The following GALC variants were observed in gnomAD, a reference collection of about 807,000 sequenced individuals.
GALC encodes galactosylceramidase.
A neutral mutation model predicts 91.8 loss-of-function variants in GALC; 77 were observed. The ratio of observed to expected loss-of-function variants is 0.84; its 90% confidence interval spans 0.70 to 1.01. The LOEUF is 1.01. Ranked by LOEUF, GALC falls within the 50% of genes least tolerant of loss-of-function variation. GALC has a pLI of 0.00. For synonymous variants in GALC, 357 were observed against 306.7 expected (o/e 1.16, Z -1.71); for missense variants, 882 against 855.9 (o/e 1.03, Z -0.38).
rs984484452 is a variant in GALC, at chr14:87,938,029, C to A, written c.1911+1876G>T. The stretch of plus-strand genomic sequence containing the variant: ...AAAGTTTGTTTTTTAAAAGTCAAAT[C>A]GAATAATATATATAGTGGAATAGCA... On this transcript the variant is annotated intron_variant, in intron 16 of 16. Coordinates refer to ENST00000261304, the MANE Select transcript of GALC (RefSeq NM_000153.4). 2.4e-4 allele frequency among the ~76,000 whole-genome samples: 37 copies of A among 151,590 alleles called. 1 individual carries two copies. Among genetic ancestry groups the A allele is most frequent in the Admixed American group, 2.3e-3 (35 of 15,198 alleles).
At chr14:87,957,968 C>G (rs961498596) in intron 10 of GALC, among the ~76,000 whole-genome samples, 17 of 152,170 alleles carry the variant, frequency 1.1e-4, no homozygotes, top group African/African-American at 3.9e-4. Flanking sequence ...TAATTCCTAT[C>G]AAAATACCAA....
chr14:87,947,821 G>C lies in GALC; in HGVS notation c.1396C>G (p.Leu466Val). The change falls in exon 13 of 17, where the codon CTC becomes GTC. Residue 466 changes from leucine (L) to valine (V), a missense_variant. By Grantham distance (32) the Leu-to-Val change is conservative (BLOSUM62 1). Coordinates refer to ENST00000261304, the MANE Select transcript of GALC (RefSeq NM_000153.4). ...TTGCGACCAGTGGTGAGAGTGGTGAGTGTGAACAGCTCATCTTCATGCAGG... is the reference window on the plus strand; with the variant it reads ...TTGCGACCAGTGGTGAGAGTGGTGACTGTGAACAGCTCATCTTCATGCAGG... ...LSLHEDELFT[L>V]TTLTTGRKGS... is the part of the protein sequence containing the mutation. 1 of 1,612,790 alleles carries C rather than the reference G, an allele frequency of 6.2e-7. No homozygotes were observed.
At chr14:87,980,424 C>G (rs1426086503) in intron 6 of GALC, 1 of 666,810 alleles carries the variant, frequency 1.5e-6, no homozygotes, top group Non-Finnish European at 1.9e-6. Flanking sequence ...CATTAGCTTA[C>G]TGATGGGGGT....
At chr14:87,992,389 A>G (rs1051230280) in intron 1 of GALC, 18 of 1,535,490 alleles carry the variant, frequency 1.2e-5, no homozygotes, top group Non-Finnish European at 1.6e-5. Flanking sequence ...TTTTAAAGAG[A>G]CCTTGAGGCA....
chr14:87,986,626 GA>G (rs1396000219), intron 3 of GALC, 24 bp from the exon 4 acceptor site: 17 of 1,451,258 alleles, frequency 1.2e-5, no homozygotes, highest in Non-Finnish European at 1.5e-5. Context: ...AGCAAAAACG[GA>G]AGTAATGATC....
At position 87,933,693 on chromosome 14, in the gene GALC, TACATAGAGCC is replaced by T. The variant is rs1467018645; in HGVS notation, c.*1029_*1038del. 3.0e-6 allele frequency: 1 copy of T among 334,458 alleles called. No individual in the cohort carries two copies. The highest frequency in any genetic ancestry group is 5.4e-6 in the Non-Finnish European group (1 of 185,382). 20.7% of individuals were successfully genotyped at this position (334,458 alleles called of 1,614,324 possible). A position where few individuals can be genotyped will look rare whatever the true frequency, so the allele number is the denominator to read the frequency against. On this transcript the variant is annotated 3_prime_UTR_variant, in exon 17 of 17. Coordinates refer to ENST00000261304, the MANE Select transcript of GALC (RefSeq NM_000153.4). ...TTACCTACATGAATAACTGATTTGC[TACATAGAGCC>T]ACATTAATGCTTAGTATAAATCATA... is the stretch of plus-strand genomic sequence containing the variant.
intron 13 of GALC, 103 bp downstream of exon 13, chr14:87,947,625 G>A: frequency 1.8e-6 from 2 of 1,093,072 alleles, no homozygotes; most frequent in Non-Finnish European, 2.8e-6. Flanking sequence ...AAATGAATGT[G>A]CTTTTGACAG....
upstream of GALC, chr14:87,993,368 T>A (rs936995139): frequency 1.3e-6 from 2 of 1,535,702 alleles, no homozygotes; most frequent in African/African-American, 2.7e-5. Flanking sequence ...GCTACTGGAT[T>A]TCACATGTAC....
intron 7 of GALC, among the ~76,000 whole-genome samples, chr14:87,975,964 C>A (rs888412826): frequency 6.6e-6 from 1 of 152,152 alleles, no homozygotes; most frequent in Non-Finnish European, 1.5e-5. Flanking sequence ...TGTCAGTGAT[C>A]ACAATGAACC....
chr14:87,942,968 T>C (rs1884920211), intron 14 of GALC, among the ~76,000 whole-genome samples: 1 of 152,024 alleles, frequency 6.6e-6, no homozygotes, highest in African/African-American at 2.4e-5. Flanking sequence ...TTCTGGTTCA[T>C]CAGAAGTTTG....
chr14:87,953,961 G>A, intron 10 of GALC: 1 of 1,609,418 alleles, frequency 6.2e-7, no homozygotes, highest in Non-Finnish European at 8.5e-7. Flanking sequence ...GTAGAGGACT[G>A]CAGCATTTTG....
chr14:87,948,602 AAC>A (rs1338019630), intron 12 of GALC, among the ~76,000 whole-genome samples: 3 of 151,986 alleles, frequency 2.0e-5, no homozygotes, highest in Non-Finnish European at 2.9e-5. Flanking sequence ...ATGAAATTTG[AAC>A]AGTTTTTTTC....
At chr14:87,965,711 T>C (rs1036364891) in intron 8 of GALC, 82 bp from the exon 9 acceptor site, 1 of 1,355,338 alleles carries the variant, frequency 7.4e-7, no homozygotes, top group Non-Finnish European at 1.0e-6. Context: ...TAAAAAGACT[T>C]TATCATAGTA....
chr14:87,968,291 A>G, intron 8 of GALC, 44 bp downstream of exon 8: 2 of 1,514,696 alleles, frequency 1.3e-6, no homozygotes, highest in South Asian at 1.2e-5. Context: ...TTATGTTTTT[A>G]AATTTTTTTT....
chr14:87,973,651 A>C (rs905487051), intron 7 of GALC, among the ~76,000 whole-genome samples: 2 of 152,214 alleles, frequency 1.3e-5, no homozygotes, highest in African/African-American at 4.8e-5. Flanking sequence ...TATTGCTCAT[A>C]GTAAACCAAC....
chr14:87,975,142 A>C (rs1886442248), intron 7 of GALC, among the ~76,000 whole-genome samples: 1 of 152,062 alleles, frequency 6.6e-6, no homozygotes. Context: ...ACCTAAATCT[A>C]ACCTAAACTA....
In GALC at chr14:87,968,321, T is replaced by C. The variant is rs1376794723; in HGVS notation, c.908+14A>G. The C allele has an allele frequency of 6.2e-7, 1 of 1,601,466 alleles. No individual in the cohort carries two copies. The highest frequency in any genetic ancestry group is 1.7e-5 in the Admixed American group (1 of 57,452). ...TTTTTTGATAAGAACTCTAAAAGGT[T>C]TTTAATAACTTACGAAGTCATATAG... is the stretch of plus-strand genomic sequence containing the variant. On this transcript the variant is annotated intron_variant, in intron 8 of 16. Coordinates refer to ENST00000261304, the MANE Select transcript of GALC (RefSeq NM_000153.4).
At position 87,949,912 on chromosome 14, in the gene GALC, T is replaced by G; in HGVS notation, c.1271A>C (p.Gln424Pro). The change falls in exon 12 of 17, where the codon CAG becomes CCG. Residue 424 changes from glutamine (Q) to proline (P), a missense_variant. Transcript: ENST00000261304. The stretch of plus-strand genomic sequence containing the variant: ...TTTTCCAAGTTTGGTATACCATACC[T>G]GTAGCTCTGGTATTTCACTCTGTAA... ...KGSFSEIPELQVWYTKLGKTS... is the reference protein window; with the variant it reads ...KGSFSEIPELPVWYTKLGKTS... 1 of 1,579,470 alleles carries G rather than the reference T, an allele frequency of 6.3e-7. No homozygotes were observed. Among genetic ancestry groups the G allele is most frequent in the East Asian group, 2.2e-5 (1 of 44,598 alleles).
chr14:87,954,246 T>C, intron 10 of GALC: 3 of 1,532,908 alleles, frequency 2.0e-6, no homozygotes, highest in East Asian at 2.3e-5. Context: ...CTTTATAGAA[T>C]TGGAGCACCT....
Sources: gnomAD v4.1 joint callset for allele counts (sites outside exome capture counted in the v4.1 genomes callset) on GRCh38, gnomAD v4.1.1 for gene constraint, MANE v1.5 for transcripts, NCBI Gene and HGNC (gene_info 2026-07-23, HGNC 2026-07-21) for gene names.